EDN1: variants seen among roughly 807,000 people sequenced by gnomAD.
The protein encoded by EDN1 is endothelin-1.
Under a neutral mutation model 21.7 loss-of-function variants are expected in EDN1, and 11 were observed. The ratio of observed to expected loss-of-function variants is 0.51; its 90% CI spans 0.32 to 0.84. The LOEUF is 0.84. Ranked by LOEUF, EDN1 falls within the 40% of genes least tolerant of loss-of-function variation. EDN1 has a pLI of 0.03. For missense variants in EDN1, 244 were observed against 262.3 expected (o/e 0.93, Z 0.48); for synonymous variants, 85 against 90.6 (o/e 0.94, Z 0.35).
In EDN1 at chr6:12,290,588, G is replaced by A; in HGVS notation, c.-42G>A. The A allele has an allele frequency of 6.4e-7, 1 of 1,561,254 alleles. No individual in the cohort carries two copies. Among genetic ancestry groups the A allele is most frequent in the Non-Finnish European group, 8.8e-7 (1 of 1,132,040 alleles). On this transcript the variant is annotated 5_prime_UTR_variant, in exon 1 of 5. Transcript: ENST00000379375. ...AGCTGTTTTTCTTCGTTTTCCTTTG[G>A]GTTCAGTTTGAACGGGAGGTTTTTG...
At chr6:12,287,200 C>A (rs899547713), upstream of EDN1, among the ~76,000 whole-genome samples, 1 of 151,286 alleles carries the variant, frequency 6.6e-6, no homozygotes, top group Non-Finnish European at 1.5e-5. Context: ...AAATCCTCCT[C>A]TTTACATCTC....
At chr6:12,244,469 G>T in the EDN1 span, among the ~76,000 whole-genome samples, 1 of 152,186 alleles carries the variant, frequency 6.6e-6, no homozygotes, top group African/African-American at 2.4e-5. Flanking sequence ...TTGCTTGAAG[G>T]TTCAAATGTT....
the EDN1 span, among the ~76,000 whole-genome samples, chr6:12,242,890 T>A: frequency 6.6e-6 from 1 of 152,236 alleles, no homozygotes; most frequent in East Asian, 1.9e-4. Flanking sequence ...CAGGTCTCTG[T>A]GATATCACTC....
At chr6:12,289,682 A>T (rs1209612191), upstream of EDN1, among the ~76,000 whole-genome samples, 2 of 152,218 alleles carry the variant, frequency 1.3e-5, no homozygotes, top group East Asian at 3.8e-4. Context: ...CTCATCAGTG[A>T]TAGGGAAAAG....
chr6:12,277,411 A>G, the EDN1 span, among the ~76,000 whole-genome samples: 1 of 152,230 alleles, frequency 6.6e-6, no homozygotes, highest in Non-Finnish European at 1.5e-5. Flanking sequence ...AGCTCATTTC[A>G]TACTTAACAA....
the EDN1 span, among the ~76,000 whole-genome samples, chr6:12,258,449 C>CAAAAAAA: frequency 0.04 from 2,532 of 63,456 alleles, 423 homozygotes; most frequent in Middle Eastern, 0.1. Context: ...GATCATGTCT[C>CAAAAAAA]AAAAAAAAAA....
the EDN1 span, among the ~76,000 whole-genome samples, chr6:12,256,972 TGAG>T: frequency 6.6e-6 from 1 of 152,130 alleles, no homozygotes; most frequent in Non-Finnish European, 1.5e-5. Flanking sequence ...CAAATTTTCA[TGAG>T]GAGGTAAAAC....
the EDN1 span, among the ~76,000 whole-genome samples, chr6:12,236,730 C>T: frequency 3.1e-4 from 46 of 150,576 alleles, 1 homozygote; most frequent in East Asian, 9.0e-3. Context: ...GCTCAAGTGA[C>T]AGTCCAAGTA....
the EDN1 span, among the ~76,000 whole-genome samples, chr6:12,257,860 C>G: frequency 6.6e-6 from 1 of 152,256 alleles, no homozygotes; most frequent in Admixed American, 6.5e-5. Flanking sequence ...ATATTGTATG[C>G]TGCAGATAAT....
the EDN1 span, among the ~76,000 whole-genome samples, chr6:12,263,363 A>C: frequency 1.3e-5 from 2 of 152,362 alleles, no homozygotes; most frequent in African/African-American, 2.4e-5. Context: ...AGGAGTTAGC[A>C]TAAAAAGAAT....
the EDN1 span, among the ~76,000 whole-genome samples, chr6:12,282,424 A>G: frequency 6.6e-6 from 1 of 152,210 alleles, no homozygotes; most frequent in Non-Finnish European, 1.5e-5. Context: ...TTTCCAGTTC[A>G]TGAGATCCTT....
chr6:12,234,914 G>T, the EDN1 span, among the ~76,000 whole-genome samples: 1 of 152,188 alleles, frequency 6.6e-6, no homozygotes, highest in East Asian at 1.9e-4. Context: ...AACAAAACCA[G>T]AAAGAGATAT....
chr6:12,259,461 T>A, the EDN1 span, among the ~76,000 whole-genome samples: 1 of 151,380 alleles, frequency 6.6e-6, no homozygotes, highest in African/African-American at 2.4e-5. Context: ...TGAAAAAAAT[T>A]GGCACTGTAA....
chr6:12,248,114 C>G, the EDN1 span, among the ~76,000 whole-genome samples: 2 of 151,918 alleles, frequency 1.3e-5, no homozygotes, highest in African/African-American at 4.8e-5. Flanking sequence ...AAACTGAGAA[C>G]AGTAAAGCTA....
the EDN1 span, among the ~76,000 whole-genome samples, chr6:12,239,936 G>C: frequency 6.6e-6 from 1 of 152,006 alleles, no homozygotes; most frequent in Non-Finnish European, 1.5e-5. Context: ...GAAAAAGAAA[G>C]AAAATAGAAT....
intron 4 of EDN1, 48 bp from the exon 5 acceptor site, chr6:12,295,914 G>A (rs772942482): frequency 6.3e-7 from 1 of 1,576,958 alleles, no homozygotes; most frequent in East Asian, 2.2e-5. Context: ...TTGCCAAAGG[G>A]TGATTTTTTT....
Position 12,296,159 on chromosome 6 carries a change from AGCATCCTCT to A in EDN1, c.*95_*103del. 8.8e-7 allele frequency: 1 copy of A among 1,138,614 alleles called. No homozygotes were observed. Among genetic ancestry groups the A allele is most frequent in the Non-Finnish European group, 1.3e-6 (1 of 750,280 alleles). 70.5% of individuals were successfully genotyped at this position (1,138,614 alleles called of 1,614,324 possible). On this transcript the variant is annotated 3_prime_UTR_variant, in exon 5 of 5. Transcript: ENST00000379375. ...CCACCCTGGCTGGGATCAGAGCAGG[AGCATCCTCT>A]GCTGGTTCCTGACTGGCAAAGGACC...
the EDN1 span, among the ~76,000 whole-genome samples, chr6:12,254,216 C>T: frequency 2.0e-5 from 3 of 152,140 alleles, no homozygotes; most frequent in East Asian, 3.8e-4. Flanking sequence ...TATCCAGCCA[C>T]GTGAGCATTT....
chr6:12,261,758 G>A, the EDN1 span, among the ~76,000 whole-genome samples: 1 of 152,224 alleles, frequency 6.6e-6, no homozygotes, highest in East Asian at 1.9e-4. Context: ...TGTATTTAAA[G>A]AACAGATTGC....
Sources: gnomAD v4.1 joint callset for allele counts (sites outside exome capture counted in the v4.1 genomes callset) on GRCh38, gnomAD v4.1.1 for gene constraint, MANE v1.5 for transcripts, NCBI Gene and HGNC (gene_info 2026-07-23, HGNC 2026-07-21) for gene names.